UNC5D: variants seen among roughly 807,000 people sequenced by gnomAD.
The protein encoded by UNC5D is unc-5 netrin receptor D, also known as netrin receptor UNC5D.
UNC5D carries 39 observed loss-of-function variants against 105.4 expected under a neutral mutation model. The observed-to-expected ratio is 0.37, with a 90% CI of 0.29 to 0.48. The LOEUF is 0.48. UNC5D is among the 20% of genes least tolerant of loss of function. The pLI is 0.98. For synonymous variants in UNC5D, 452 were observed against 450.4 expected (o/e 1.00, Z -0.04); for missense variants, 991 against 1,202.4 (o/e 0.82, Z 2.60).
chr8:35,584,641 G>A (rs1260562179), intron 3 of UNC5D, among the ~76,000 whole-genome samples: 3 of 151,628 alleles, frequency 2.0e-5, no homozygotes, highest in African/African-American at 4.8e-5. Context: ...TGAGAGATGA[G>A]GGTCTCACTG....
At chr8:35,391,988 G>A (rs1803808415) in intron 1 of UNC5D, among the ~76,000 whole-genome samples, 3 of 152,190 alleles carry the variant, frequency 2.0e-5, no homozygotes, top group Admixed American at 2.0e-4. Flanking sequence ...GAAATGGTAT[G>A]TGTCCTATTG....
At chr8:35,572,209 G>A (rs1817772644) in intron 3 of UNC5D, among the ~76,000 whole-genome samples, 1 of 139,126 alleles carries the variant, frequency 7.2e-6, no homozygotes. Flanking sequence ...GATCGTTTGA[G>A]CCCGGGAGGT....
intron 1 of UNC5D, among the ~76,000 whole-genome samples, chr8:35,323,611 T>C (rs1809921426): frequency 6.6e-6 from 1 of 152,210 alleles, no homozygotes; most frequent in Non-Finnish European, 1.5e-5. Context: ...ATATGTCATT[T>C]ATAGTGTGTG....
At chr8:35,416,191 T>G (rs1180646011) in intron 1 of UNC5D, among the ~76,000 whole-genome samples, 1 of 150,848 alleles carries the variant, frequency 6.6e-6, no homozygotes, top group Non-Finnish European at 1.5e-5. Flanking sequence ...AATTAAAAAT[T>G]AAAAAAAAAG....
chr8:35,327,122 G>C (rs147813851), intron 1 of UNC5D, among the ~76,000 whole-genome samples: 2 of 152,282 alleles, frequency 1.3e-5, no homozygotes, highest in Non-Finnish European at 2.9e-5. Flanking sequence ...TTGGCGGAAA[G>C]ATGAACAGCA....
chr8:35,658,485 A>G (rs1490569701), intron 4 of UNC5D, among the ~76,000 whole-genome samples: 1 of 152,148 alleles, frequency 6.6e-6, no homozygotes, highest in East Asian at 1.9e-4. Context: ...TAGGTGCTCT[A>G]TAAATAGGCT....
chr8:35,592,135 A>G (rs1222976069), intron 3 of UNC5D, among the ~76,000 whole-genome samples: 1 of 152,152 alleles, frequency 6.6e-6, no homozygotes, highest in Non-Finnish European at 1.5e-5. Flanking sequence ...TACTGTCTCC[A>G]TATTTATTTA....
intron 3 of UNC5D, among the ~76,000 whole-genome samples, chr8:35,576,865 G>A (rs1156465387): frequency 1.3e-5 from 2 of 152,038 alleles, no homozygotes; most frequent in African/African-American, 2.4e-5. Flanking sequence ...CTCCCGCCTC[G>A]GCCTCCCAAA....
chr8:35,513,119 C>T (rs1248820804), intron 1 of UNC5D, among the ~76,000 whole-genome samples: 1 of 152,120 alleles, frequency 6.6e-6, no homozygotes, highest in Admixed American at 6.6e-5. Context: ...AGGCTCCCAC[C>T]TCTGGGACTT....
chr8:35,265,988 A>G (rs1804843260), intron 1 of UNC5D, among the ~76,000 whole-genome samples: 1 of 152,014 alleles, frequency 6.6e-6, no homozygotes, highest in Non-Finnish European at 1.5e-5. Flanking sequence ...TGGGCTATGT[A>G]TTGATAATTG....
intron 4 of UNC5D, among the ~76,000 whole-genome samples, chr8:35,653,399 C>T (rs917270786): frequency 2.0e-5 from 3 of 152,164 alleles, no homozygotes; most frequent in Non-Finnish European, 2.9e-5. Context: ...GCTTCTCAAA[C>T]CCTGGGCTAC....
At chr8:35,598,356 G>A (rs118045706) in intron 4 of UNC5D, among the ~76,000 whole-genome samples, 1 of 152,310 alleles carries the variant, frequency 6.6e-6, no homozygotes, top group East Asian at 1.9e-4. Flanking sequence ...ACATGAAGCA[G>A]TGCTGCTCAA....
At chr8:35,288,161 C>T (rs1413703223) in intron 1 of UNC5D, among the ~76,000 whole-genome samples, 1 of 151,952 alleles carries the variant, frequency 6.6e-6, no homozygotes, top group Non-Finnish European at 1.5e-5. Context: ...ACATAATAAT[C>T]AAATTATTAA....
At position 35,792,838 on chromosome 8, in the gene UNC5D, G is replaced by T. The variant is rs1235180013; in HGVS notation, c.*2275G>T. On this transcript the variant is annotated 3_prime_UTR_variant, in exon 17 of 17. Coordinates refer to ENST00000404895, the MANE Select transcript of UNC5D (RefSeq NM_080872.4). ...TCTACATAGGTCTTTTTTTTTAGATGTTTGATACATTTTAAGTATTTTTAA... is the reference window on the plus strand; with the variant it reads ...TCTACATAGGTCTTTTTTTTTAGATTTTTGATACATTTTAAGTATTTTTAA... 3.0e-5 allele frequency: 10 copies of T among 336,534 alleles called. No individual in the cohort carries two copies. Among genetic ancestry groups the T allele is most frequent in the Middle Eastern group, 1.0e-3 (1 of 966 alleles). 20.8% of individuals were successfully genotyped at this position (336,534 alleles called of 1,614,324 possible).
intron 1 of UNC5D, among the ~76,000 whole-genome samples, chr8:35,263,093 G>T (rs1416272249): frequency 6.6e-6 from 1 of 152,026 alleles, no homozygotes; most frequent in Non-Finnish European, 1.5e-5. Context: ...ACTTTTCATA[G>T]CTCTGCACCT....
At chr8:35,686,086 T>C (rs1197373895) in intron 6 of UNC5D, among the ~76,000 whole-genome samples, 2 of 152,268 alleles carry the variant, frequency 1.3e-5, no homozygotes, top group East Asian at 1.9e-4. Context: ...TATCAATATA[T>C]TTGGGTTTAA....
At chr8:35,740,513 G>T (rs1311850615) in intron 11 of UNC5D, among the ~76,000 whole-genome samples, 1 of 152,278 alleles carries the variant, frequency 6.6e-6, no homozygotes, top group South Asian at 2.1e-4. Flanking sequence ...GGGATAATTT[G>T]TGATTTAAGC....
At chr8:35,512,465 C>CATATAT (rs780945660) in intron 1 of UNC5D, among the ~76,000 whole-genome samples, 29 of 20,106 alleles carry the variant, frequency 1.4e-3, no homozygotes, top group Non-Finnish European at 1.7e-3. Flanking sequence ...AATAGTGAGC[C>CATATAT]ATATATATAT....
chr8:35,686,216 A>T (rs953729826), intron 6 of UNC5D, among the ~76,000 whole-genome samples: 2 of 152,160 alleles, frequency 1.3e-5, no homozygotes, highest in African/African-American at 4.8e-5. Flanking sequence ...TTATCTGTCC[A>T]CCTAAGATGC....
Sources: allele counts gnomAD v4.1 joint callset (sites outside exome capture counted in the v4.1 genomes callset), GRCh38; gene constraint gnomAD v4.1.1; transcripts MANE v1.5; gene names NCBI Gene and HGNC (gene_info 2026-07-23, HGNC 2026-07-21).